TRPC3: variants seen among roughly 807,000 people sequenced by gnomAD.
TRPC3 encodes short transient receptor potential channel 3.
Under a neutral mutation model 90.9 loss-of-function variants are expected in TRPC3, and 54 were observed. The ratio of observed to expected loss-of-function variants is 0.59; its 90% confidence interval spans 0.48 to 0.75. TRPC3 has a LOEUF of 0.75. Ranked by LOEUF, TRPC3 falls within the 30% of genes least tolerant of loss-of-function variation. The probability of loss-of-function intolerance (pLI) is 0.00; values close to 1 mark genes in which losing one functional copy is unlikely to be tolerated. For missense variants in TRPC3, 918 were observed against 1,194.5 expected (o/e 0.77, Z 3.41); for synonymous variants, 424 against 450.9 (o/e 0.94, Z 0.75).
chr4:121,883,714 T>C (rs958324378), intron 10 of TRPC3, among the ~76,000 whole-genome samples: 1 of 152,172 alleles, frequency 6.6e-6, no homozygotes, highest in Non-Finnish European at 1.5e-5. Flanking sequence ...TTTAGTACTA[T>C]CTTTTTAGTT....
At chr4:121,899,341 A>G (rs1364750501) in intron 10 of TRPC3, among the ~76,000 whole-genome samples, 1 of 152,184 alleles carries the variant, frequency 6.6e-6, no homozygotes, top group East Asian at 1.9e-4. Flanking sequence ...TTTGCTTTCA[A>G]TATTGTGAGA....
At chr4:121,931,677 A>C (rs1003555972) in intron 2 of TRPC3, among the ~76,000 whole-genome samples, 2 of 152,214 alleles carry the variant, frequency 1.3e-5, no homozygotes, top group African/African-American at 2.4e-5. Context: ...GCATTTTGTC[A>C]TATCAGTGAA....
chr4:121,927,070 T>C (rs1729744354), intron 2 of TRPC3, among the ~76,000 whole-genome samples: 1 of 152,168 alleles, frequency 6.6e-6, no homozygotes, highest in African/African-American at 2.4e-5. Context: ...GAAGGGCATA[T>C]TACTGTGCCC....
chr4:121,907,671 C>T (rs1728935659), intron 6 of TRPC3, 104 bp from the exon 7 acceptor site: 1 of 1,285,294 alleles, frequency 7.8e-7, no homozygotes, highest in Non-Finnish European at 1.1e-6. Context: ...TAGGTGGTTA[C>T]CATCTCAGTT....
intron 1 of TRPC3, among the ~76,000 whole-genome samples, chr4:121,942,936 G>A (rs1730368257): frequency 1.3e-5 from 2 of 152,172 alleles, no homozygotes; most frequent in East Asian, 3.9e-4. Flanking sequence ...GAACTTAGAT[G>A]TTTATGCTTC....
At chr4:121,916,277 C>T (rs1186527226) in intron 3 of TRPC3, among the ~76,000 whole-genome samples, 2 of 152,072 alleles carry the variant, frequency 1.3e-5, no homozygotes, top group African/African-American at 2.4e-5. Context: ...CCAGGACAGG[C>T]GATGTAGGTT....
intron 1 of TRPC3, among the ~76,000 whole-genome samples, chr4:121,948,117 C>T (rs1481453298): frequency 6.6e-6 from 1 of 151,942 alleles, no homozygotes; most frequent in African/African-American, 2.4e-5. Context: ...ACTTGTATTT[C>T]CTTTTCCCTG....
chr4:121,921,852 G>C (rs548824318), intron 3 of TRPC3, among the ~76,000 whole-genome samples: 1 of 151,848 alleles, frequency 6.6e-6, no homozygotes, highest in Admixed American at 6.5e-5. Flanking sequence ...TTTTCCTCCT[G>C]TGAGAATGAA....
chr4:121,885,154 T>C (rs1262446510), intron 10 of TRPC3, among the ~76,000 whole-genome samples: 1 of 152,180 alleles, frequency 6.6e-6, no homozygotes, highest in Non-Finnish European at 1.5e-5. Context: ...TCGCCACACA[T>C]GACACTACCT....
In TRPC3 at chr4:121,951,631, G is replaced by A. The variant is rs1347257491; in HGVS notation, c.50C>T (p.Pro17Leu). 5 of 1,428,080 alleles carry A rather than the reference G, an allele frequency of 3.5e-6. No individual in the cohort carries two copies. The South Asian group carries it at 5.9e-5, about 17-fold the overall frequency. The allele number at this position is 1,428,080 out of a possible 1,614,324, so 88.5% of individuals were successfully genotyped here. ...CTCGTCTTCCTCCTCCTCCGGCGCCGGGAAGGTCACCCTTGCTTGTTCTTT... is the reference window on the plus strand; with the variant it reads ...CTCGTCTTCCTCCTCCTCCGGCGCCAGGAAGGTCACCCTTGCTTGTTCTTT... Reference protein sequence around the residue: ...KCKEQARVTFPAPEEEEDEGE... With the variant: ...KCKEQARVTFLAPEEEEDEGE... The change falls in exon 1 of 12, where the codon CCG (proline) becomes CTG (leucine). Residue 17 changes from proline to leucine, a missense_variant. Physicochemically the swap from Pro to Leu is moderately conservative, Grantham distance 98. Around this residue, in one of 4 missense-constraint regions of TRPC3, gnomAD observed 609 missense variants for 725.9 expected, o/e 0.84. Coordinates refer to ENST00000379645, the MANE Select transcript of TRPC3 (RefSeq NM_001130698.2). This position sits in a 1 kb window ranked among gnomAD's most constrained non-coding sequence, Gnocchi z 4.4.
chr4:121,875,765 A>G lies in TRPC3; in HGVS notation c.*3971T>C, dbSNP rs1271155398. ...TTAAAGTTAAAACCATCAACACGCT[A>G]GTGGTGGTCAGCTGAGTGACTGAGT... On this transcript the variant is annotated 3_prime_UTR_variant, in exon 12 of 12. Coordinates refer to ENST00000379645, the MANE Select transcript of TRPC3 (RefSeq NM_001130698.2). 1.3e-5 allele frequency among the ~76,000 whole-genome samples: 2 copies of G among 152,132 alleles called. No individual in the cohort carries two copies. Among genetic ancestry groups the G allele is most frequent in the Non-Finnish European group, 2.9e-5 (2 of 68,014 alleles).
chr4:121,948,189 A>C (rs13101357), intron 1 of TRPC3, among the ~76,000 whole-genome samples: 105,702 of 150,742 alleles, frequency 0.7, 37,815 homozygotes, highest in East Asian at 0.82. Context: ...AAAAAAAAAA[A>C]AACAAAAAGA....
At chr4:121,917,083 G>C (rs1729346996) in intron 3 of TRPC3, among the ~76,000 whole-genome samples, 1 of 152,136 alleles carries the variant, frequency 6.6e-6, no homozygotes, top group Non-Finnish European at 1.5e-5. Context: ...CCTGAACTAA[G>C]AAGCATATTT....
At position 121,951,393 on chromosome 4, in the gene TRPC3, C is replaced by T. The variant is rs1578667541; in HGVS notation, c.215+73G>A. ...GTCCCGGGCTCGACGTGGAGCCGCC[C>T]GGCGCGCGCCTTCCCGCCCCCCGCC... is the stretch of plus-strand genomic sequence containing the variant. On this transcript the variant is annotated intron_variant, in intron 1 of 11. Coordinates refer to ENST00000379645, the MANE Select transcript of TRPC3 (RefSeq NM_001130698.2). The surrounding 1 kb of genome is among the most constrained non-coding windows in gnomAD (Gnocchi z 4.4). The T allele has an allele frequency of 6.8e-6, 7 of 1,036,654 alleles. No homozygotes were observed. Among genetic ancestry groups the T allele is most frequent in the Non-Finnish European group, 8.3e-6 (7 of 839,222 alleles). 64.2% of individuals were successfully genotyped at this position (1,036,654 alleles called of 1,614,324 possible).
At chr4:121,893,959 G>C (rs1050025648) in intron 10 of TRPC3, among the ~76,000 whole-genome samples, 1 of 152,120 alleles carries the variant, frequency 6.6e-6, no homozygotes, top group Non-Finnish European at 1.5e-5. Flanking sequence ...GTAAATTAGG[G>C]AGGAAATAGG....
Position 121,951,728 on chromosome 4 carries a change from C to G in TRPC3, c.-48G>C. On this transcript the variant is annotated 5_prime_UTR_variant, in exon 1 of 12. Transcript: ENST00000379645. This position sits in a 1 kb window ranked among gnomAD's most constrained non-coding sequence, Gnocchi z 4.4. ...TGGGGGTGCCGGCTGCCGGCCTCCTCCGCCTTCGCGGCAGTGCAGTCTTCC... is the reference window on the plus strand; with the variant it reads ...TGGGGGTGCCGGCTGCCGGCCTCCTGCGCCTTCGCGGCAGTGCAGTCTTCC... The G allele has an allele frequency of 2.3e-6, 3 of 1,282,634 alleles. No homozygotes were observed. 79.5% of individuals were successfully genotyped at this position (1,282,634 alleles called of 1,614,324 possible).
In TRPC3 at chr4:121,910,387, C is replaced by T; in HGVS notation, c.1559G>A (p.Gly520Glu). The T allele has an allele frequency of 1.2e-6, 2 of 1,612,684 alleles. No homozygotes were observed. Among genetic ancestry groups the T allele is most frequent in the Non-Finnish European group, 1.7e-6 (2 of 1,179,036 alleles). Residue 520 changes from glycine (G) to glutamate (E), a missense_variant and splice_region_variant, in exon 6 of 12, where the codon GGA becomes GAA. Gly to Glu is a moderately conservative substitution (Grantham distance 98). Around this residue, in one of 4 missense-constraint regions of TRPC3, gnomAD observed 609 missense variants for 725.9 expected, o/e 0.84. Coordinates refer to ENST00000379645, the MANE Select transcript of TRPC3 (RefSeq NM_001130698.2). ...CTCTTTACATTCAGACCACATCATT[C>T]CTGTCACAACAAATACAGAGGGTGC... The part of the protein sequence containing the change: ...TEMLIMVWVL[G>E]MMWSECKELW...
At chr4:121,912,766 C>A (rs572631737) in intron 4 of TRPC3, among the ~76,000 whole-genome samples, 1 of 152,188 alleles carries the variant, frequency 6.6e-6, no homozygotes. Flanking sequence ...GTAAATGGTA[C>A]AAAGGGACTT....
rs780494307 is a variant in TRPC3, at chr4:121,932,802, C to G, written c.456G>C (p.Gln152His). 6.2e-7 allele frequency: 1 copy of G among 1,610,504 alleles called. No individual in the cohort carries two copies. Among genetic ancestry groups the G allele is most frequent in the South Asian group, 1.1e-5 (1 of 90,722 alleles). The change falls in exon 2 of 12, where the codon CAG (glutamine) becomes CAC (histidine). Residue 152 changes from glutamine to histidine, a missense_variant. By Grantham distance (24) the Gln-to-His change is conservative (BLOSUM62 0). Coordinates refer to ENST00000379645, the MANE Select transcript of TRPC3 (RefSeq NM_001130698.2). The surrounding 1 kb of genome is among the most constrained non-coding windows in gnomAD (Gnocchi z 7.7). ...CCAGGTGCTCGTTGCCCACAGCCAG[C>G]TGCAGCGCGTTCTGGCCCATGTAGT... is the stretch of plus-strand genomic sequence containing the variant. Reference protein sequence around the residue: ...CVDYMGQNALQLAVGNEHLEV... With the variant: ...CVDYMGQNALHLAVGNEHLEV...
Sources: allele counts gnomAD v4.1 joint callset (sites outside exome capture counted in the v4.1 genomes callset), GRCh38; gene constraint gnomAD v4.1.1; regional missense constraint gnomAD v4.1.1; non-coding constraint Gnocchi (gnomAD v3.1); transcripts MANE v1.5; gene names NCBI Gene and HGNC (gene_info 2026-07-23, HGNC 2026-07-21).